The following PLBD1 variants were observed in gnomAD, a reference collection of about 807,000 sequenced individuals.
PLBD1 encodes the protein phospholipase B domain containing 1, also known as lysosomal leucine aminopeptidase.
In PLBD1, 60 loss-of-function variants were observed where a neutral mutation model predicts 63.0. The observed-to-expected ratio is 0.95, with a 90% CI of 0.77 to 1.18. The LOEUF (loss-of-function observed/expected upper bound fraction) is 1.18, where lower values mean the gene tolerates loss of function less well. Among genes scored for constraint, PLBD1 ranks in the 50% most tolerant of loss-of-function variants. PLBD1 has a pLI of 0.00. For synonymous variants in PLBD1, 262 were observed against 248.0 expected, an observed-to-expected ratio of 1.06 and a Z score of -0.53; for missense variants, 598 against 677.9, an observed-to-expected ratio of 0.88 and a Z score of 1.31.
intron 10 of PLBD1, among the ~76,000 whole-genome samples, chr12:14,505,124 T>A (rs77743339): frequency 1.4e-5 from 2 of 147,522 alleles, no homozygotes; most frequent in African/African-American, 4.9e-5. Context: ...TTTTTTTTTT[T>A]AATGTTAACA....
Position 14,506,159 on chromosome 12 carries a change from T to G in PLBD1, c.1479+3A>C. ...TTAAATTCAAAAGCCAATAGCATGT[T>G]ACCTTTGTGTCATAACAACCTCCAG... is the stretch of plus-strand genomic sequence containing the variant. On this transcript the variant is annotated splice_donor_region_variant and intron_variant, in intron 10 of 10. Transcript: ENST00000240617. 1 of 1,592,618 alleles carries G rather than the reference T, an allele frequency of 6.3e-7. No individual in the cohort carries two copies. Among genetic ancestry groups the G allele is most frequent in the Non-Finnish European group, 8.6e-7 (1 of 1,163,892 alleles).
Position 14,506,146 on chromosome 12 carries a change from G to T in PLBD1, c.1479+16C>A. On this transcript the variant is annotated intron_variant, in intron 10 of 10. Coordinates refer to ENST00000240617, the MANE Select transcript of PLBD1 (RefSeq NM_024829.6). ...GTGCTGGTGGGAATTAAATTCAAAA[G>T]CCAATAGCATGTTACCTTTGTGTCA... The T allele has an allele frequency of 5.8e-6, 9 of 1,559,134 alleles. No individual in the cohort carries two copies. Among genetic ancestry groups the T allele is most frequent in the Non-Finnish European group, 7.9e-6 (9 of 1,137,112 alleles).
chr12:14,507,274 G>C (rs930390568), intron 8 of PLBD1, among the ~76,000 whole-genome samples, 156 bp from the exon 9 acceptor site: 1 of 152,206 alleles, frequency 6.6e-6, no homozygotes, highest in Non-Finnish European at 1.5e-5. Flanking sequence ...AGCTTTGCAT[G>C]TGAACCCTGG....
intron 6 of PLBD1, among the ~76,000 whole-genome samples, chr12:14,532,261 G>A (rs576565048): frequency 9.3e-4 from 142 of 152,260 alleles, no homozygotes; most frequent in South Asian, 5.4e-3. Context: ...GCAAAGGCCC[G>A]TTTGTGTTGT....
chr12:14,540,016 A>AAC lies in PLBD1; in HGVS notation c.558+747_558+748insGT, dbSNP rs370543683. Among the ~76,000 whole-genome samples, 3 of 89,660 alleles carry AAC rather than the reference A, an allele frequency of 3.3e-5. No individual in the cohort carries two copies. The South Asian group carries it at 1.0e-3, about 31-fold the overall frequency. The allele number at this position is 89,660 out of a possible 152,430, so 58.8% of individuals were successfully genotyped here. On this transcript the variant is annotated intron_variant, in intron 4 of 10. Coordinates refer to ENST00000240617, the MANE Select transcript of PLBD1 (RefSeq NM_024829.6). ...AAGTTCAAAGAAAAGCTATGCACAT[A>AAC]TATATATATATATATATATATATAT...
chr12:14,553,391 T>C lies in PLBD1; in HGVS notation c.137A>G (p.Tyr46Cys). ...KPAGVYYATA[Y>C]WMPAEKTVQV... ...TACTGTCTTTTCAGCAGGCATCCAG[T>C]ATGCAGTTGCATAGTAGACTCCTAG... The change falls in exon 2 of 11, where the codon TAC (tyrosine) becomes TGC (cysteine). Residue 46 changes from tyrosine (Y) to cysteine (C), a missense_variant. Coordinates refer to ENST00000240617, the MANE Select transcript of PLBD1 (RefSeq NM_024829.6). 1 of 1,614,128 alleles carries C rather than the reference T, an allele frequency of 6.2e-7. No individual in the cohort carries two copies. The highest frequency in any genetic ancestry group is 8.5e-7 in the Non-Finnish European group (1 of 1,179,982).
intron 1 of PLBD1, 77 bp from the exon 2 acceptor site, chr12:14,553,489 T>C (rs1945677085): frequency 1.8e-6 from 2 of 1,094,110 alleles, no homozygotes; most frequent in South Asian, 2.7e-5. Context: ...TATCCAACAA[T>C]TTCAAGACGT....
intron 8 of PLBD1, among the ~76,000 whole-genome samples, chr12:14,510,481 C>T (rs7956191): frequency 0.072 from 10,935 of 152,176 alleles, 1,292 homozygotes; most frequent in African/African-American, 0.25. Flanking sequence ...AGGTCATTTT[C>T]TTGCTACCAA....
At chr12:14,565,127 A>C (rs1205858611) in intron 1 of PLBD1, among the ~76,000 whole-genome samples, 1 of 152,332 alleles carries the variant, frequency 6.6e-6, no homozygotes, top group African/African-American at 2.4e-5. Context: ...TTCTGGAATA[A>C]TAAAACTATA....
chr12:14,520,361 A>C (rs141190623), intron 6 of PLBD1, among the ~76,000 whole-genome samples: 333 of 152,342 alleles, frequency 2.2e-3, no homozygotes, highest in African/African-American at 7.8e-3. Flanking sequence ...CCTCCAGAAG[A>C]CCAGGTTGAA....
intron 1 of PLBD1, among the ~76,000 whole-genome samples, chr12:14,560,494 G>C (rs79837061): frequency 0.027 from 4,172 of 152,208 alleles, 115 homozygotes; most frequent in African/African-American, 0.073. Flanking sequence ...CACTGGTTTT[G>C]GTCCTTGAAT....
chr12:14,526,945 C>T (rs1348232096), intron 6 of PLBD1, among the ~76,000 whole-genome samples: 4 of 152,100 alleles, frequency 2.6e-5, no homozygotes, highest in Admixed American at 1.3e-4. Context: ...GCACTCCAGC[C>T]TTGGCAACAA....
chr12:14,556,579 G>C (rs1200937951), intron 1 of PLBD1, among the ~76,000 whole-genome samples: 1 of 150,356 alleles, frequency 6.7e-6, no homozygotes, highest in East Asian at 2.0e-4. Context: ...AGGTTGGTCA[G>C]GCTGGTCTCG....
chr12:14,556,447 G>A lies in PLBD1; in HGVS notation c.116-3035C>T, dbSNP rs776724281. 6.6e-5 allele frequency among the ~76,000 whole-genome samples: 10 copies of A among 151,700 alleles called. No individual in the cohort carries two copies. The East Asian group carries it at 7.8e-4, about 12-fold the overall frequency. ...TGCAATGGCAAGATCTCAGCTCACC[G>A]CAAACTCCACCTCCCAGTTTCAAAC... On this transcript the variant is annotated intron_variant, in intron 1 of 10. Transcript: ENST00000240617.
chr12:14,566,370 A>G (rs1565583072), intron 1 of PLBD1, among the ~76,000 whole-genome samples: 1 of 152,206 alleles, frequency 6.6e-6, no homozygotes, highest in African/African-American at 2.4e-5. Context: ...AGGTAGTGTA[A>G]TAAGAATCAG....
chr12:14,556,180 T>C (rs1487661705), intron 1 of PLBD1, among the ~76,000 whole-genome samples: 1 of 152,194 alleles, frequency 6.6e-6, no homozygotes, highest in Non-Finnish European at 1.5e-5. Flanking sequence ...TATCAGGTTT[T>C]AGGCTGAGAC....
In PLBD1 at chr12:14,567,747, C is replaced by G. The variant is rs978954281; in HGVS notation, c.-51G>C. The G allele has an allele frequency of 7.2e-7, 1 of 1,382,276 alleles. No individual in the cohort carries two copies. Among genetic ancestry groups the G allele is most frequent in the African/African-American group, 1.5e-5 (1 of 65,316 alleles). The allele number at this position is 1,382,276 out of a possible 1,614,324, so 85.6% of individuals were successfully genotyped here. ...GCGGGATCAGGCGGCCGCGGTGGCC[C>G]GCGGTGGCAGAAGTTGCAAGAGAGG... is the stretch of plus-strand genomic sequence containing the variant. On this transcript the variant is annotated 5_prime_UTR_variant, in exon 1 of 11. Coordinates refer to ENST00000240617, the MANE Select transcript of PLBD1 (RefSeq NM_024829.6).
intron 2 of PLBD1, among the ~76,000 whole-genome samples, chr12:14,548,294 T>C (rs1203493534): frequency 6.6e-6 from 1 of 151,448 alleles, no homozygotes; most frequent in Non-Finnish European, 1.5e-5. Context: ...CTGTCTCTAC[T>C]AAAAATACAA....
rs1945261656 is a variant in PLBD1, at chr12:14,506,994, GA to G, written c.1310del (p.Phe437SerfsTer8). On this transcript the variant is annotated frameshift_variant, in exon 9 of 11. Coordinates refer to ENST00000240617, the MANE Select transcript of PLBD1 (RefSeq NM_024829.6). LOFTEE classifies it high-confidence loss of function. ...SYDLAPRAKIFRRDQGKVTDT... is the reference protein window; with the variant it reads ...SYDLAPRAKIXRRDQGKVTDT... ...CAGTCACTTTCCCTTGGTCACGCCG[GA>G]AAATTTTGGCTCGTGGAGCTAAATC... 2 of 1,613,938 alleles carry G rather than the reference GA, an allele frequency of 1.2e-6. No homozygotes were observed. The highest frequency in any genetic ancestry group is 2.2e-5 in the East Asian group (1 of 44,874).
Sources: gnomAD v4.1 joint callset for allele counts (sites outside exome capture counted in the v4.1 genomes callset) on GRCh38, gnomAD v4.1.1 for gene constraint, MANE v1.5 for transcripts, NCBI Gene and HGNC (gene_info 2026-07-23, HGNC 2026-07-21) for gene names.